EYS: variants seen among roughly 807,000 people sequenced by gnomAD.
EYS encodes the protein protein eyes shut homolog.
Under a neutral mutation model 282.1 loss-of-function variants are expected in EYS, and 250 were observed. That is an observed-to-expected ratio of 0.89 (90% CI 0.80 to 0.98). The LOEUF (loss-of-function observed/expected upper bound fraction) is 0.98, where lower values mean the gene tolerates loss of function less well. Among genes scored for constraint, EYS ranks in the 50% least tolerant of loss-of-function variants. The probability of loss-of-function intolerance (pLI) is 0.00; values close to 1 mark genes in which losing one functional copy is unlikely to be tolerated. For missense variants in EYS, 4,016 were observed against 3,709.0 expected, an observed-to-expected ratio of 1.08 and a Z score of -2.15; for synonymous variants, 1,355 against 1,282.9, an observed-to-expected ratio of 1.06 and a Z score of -1.20.
At chr6:64,049,327 A>G (rs1302681418) in intron 33 of EYS, among the ~76,000 whole-genome samples, 1 of 152,114 alleles carries the variant, frequency 6.6e-6, no homozygotes, top group Non-Finnish European at 1.5e-5. Flanking sequence ...CCATCTCTTC[A>G]CCTTATTTTC....
At chr6:64,541,324 G>C (rs1056699086) in intron 26 of EYS, among the ~76,000 whole-genome samples, 1 of 152,100 alleles carries the variant, frequency 6.6e-6, no homozygotes, top group Non-Finnish European at 1.5e-5. Flanking sequence ...AAAGATATCT[G>C]TTTTCATTAT....
chr6:65,543,901 G>A (rs146949486), intron 2 of EYS, among the ~76,000 whole-genome samples: 1 of 152,292 alleles, frequency 6.6e-6, no homozygotes, highest in African/African-American at 2.4e-5. Context: ...TGAAGGGTAT[G>A]AGGGAGCATA....
At chr6:64,629,185 C>T (rs1050288918) in intron 22 of EYS, among the ~76,000 whole-genome samples, 1 of 151,988 alleles carries the variant, frequency 6.6e-6, no homozygotes, top group Non-Finnish European at 1.5e-5. Flanking sequence ...GTAAACTATA[C>T]CTCAATTTAG....
rs370186265 is a variant in EYS, at chr6:64,179,434, T to C, written c.6424+51158A>G. On this transcript the variant is annotated intron_variant, in intron 31 of 42. Transcript: ENST00000503581. ...TTCAGAGTTTTTGAAATAAGTAAAA[T>C]ATCAACTGTGTGATGAAACTTAAGA... Among the ~76,000 whole-genome samples the C allele has an allele frequency of 8.5e-5, 13 of 152,152 alleles. No homozygotes were observed. In the East Asian group the frequency reaches 2.3e-3, roughly 27 times the overall value.
At chr6:65,250,435 G>A (rs1767291896) in intron 12 of EYS, among the ~76,000 whole-genome samples, 1 of 151,928 alleles carries the variant, frequency 6.6e-6, no homozygotes, top group South Asian at 2.1e-4. Flanking sequence ...GGCAGCTCCT[G>A]TAAAACAAAC....
intron 1 of EYS, among the ~76,000 whole-genome samples, chr6:65,677,998 A>G (rs1025628625): frequency 1.3e-5 from 2 of 152,054 alleles, no homozygotes; most frequent in South Asian, 2.1e-4. Context: ...GGTAATTTAT[A>G]AAGAAAAGAG....
At chr6:65,546,528 G>A (rs1182633547) in intron 2 of EYS, among the ~76,000 whole-genome samples, 1 of 151,838 alleles carries the variant, frequency 6.6e-6, no homozygotes, top group East Asian at 1.9e-4. Flanking sequence ...TTCTCCACTA[G>A]ACAACATTCA....
rs1766010033 is a variant in EYS, at chr6:65,490,686, A to G, written c.770T>C (p.Ile257Thr). The G allele has an allele frequency of 1.2e-6, 2 of 1,611,404 alleles. No individual in the cohort carries two copies. The highest frequency in any genetic ancestry group is 1.7e-5 in the Admixed American group (1 of 59,952). ...PFTGKNCSEI[I>T]GQCQPHVCFH... Reference sequence around the variant, plus strand: ...ACAGACATGTGGTTGACACTGGCCAATTATTTCTGAGCAATTCTTTCCTAT... The same window carrying G: ...ACAGACATGTGGTTGACACTGGCCAGTTATTTCTGAGCAATTCTTTCCTAT... The change falls in exon 5 of 43, where the codon ATT becomes ACT. Residue 257 changes from isoleucine (I) to threonine (T), a missense_variant. By Grantham distance (89) the Ile-to-Thr change is moderately conservative. Transcript: ENST00000503581.
At chr6:64,979,876 G>C (rs1447031263) in intron 14 of EYS, among the ~76,000 whole-genome samples, 1 of 151,454 alleles carries the variant, frequency 6.6e-6, no homozygotes, top group Non-Finnish European at 1.5e-5. Context: ...TTCCCACTAA[G>C]TTATTGTGAG....
intron 30 of EYS, among the ~76,000 whole-genome samples, chr6:64,264,359 G>T (rs1716875088): frequency 6.6e-6 from 1 of 152,060 alleles, no homozygotes; most frequent in Admixed American, 6.6e-5. Flanking sequence ...TGCTGCTTCT[G>T]TTGGGATCCA....
intron 31 of EYS, among the ~76,000 whole-genome samples, chr6:64,122,915 A>ATT (rs201924059): frequency 6.7e-6 from 1 of 149,884 alleles, no homozygotes; most frequent in African/African-American, 2.4e-5. Flanking sequence ...CTTACAAAGC[A>ATT]TTTTTTTTTT....
rs548012700 is a variant in EYS at position 64,141,018 on chromosome 6, G to T, written c.6425-59016C>A. ...TTTTCTCATATACTACTTTTACCAT[G>T]TATCACTATACTACATTTTAAAGAT... On this transcript the variant is annotated intron_variant, in intron 31 of 42. Coordinates refer to ENST00000503581, the MANE Select transcript of EYS (RefSeq NM_001142800.2). 1.1e-4 allele frequency among the ~76,000 whole-genome samples: 16 copies of T among 152,132 alleles called. No homozygotes were observed. In the Middle Eastern group the frequency reaches 0.01, roughly 97 times the overall value.
intron 24 of EYS, among the ~76,000 whole-genome samples, chr6:64,609,350 C>T (rs1767035258): frequency 6.6e-6 from 1 of 152,096 alleles, no homozygotes; most frequent in Admixed American, 6.6e-5. Context: ...GATTGGAGAT[C>T]ATTCTAGTTA....
chr6:64,892,258 G>A (rs1767314288), intron 18 of EYS, among the ~76,000 whole-genome samples: 1 of 151,850 alleles, frequency 6.6e-6, no homozygotes, highest in South Asian at 2.1e-4. Flanking sequence ...ATAAGTAGAT[G>A]TATTATTTGT....
intron 7 of EYS, among the ~76,000 whole-genome samples, chr6:65,391,052 G>A (rs1203341922): frequency 6.6e-6 from 1 of 152,068 alleles, no homozygotes; most frequent in East Asian, 1.9e-4. Flanking sequence ...GGTATGCCAG[G>A]AAGACTTAAA....
At chr6:63,738,758 A>T (rs1417435308) in intron 41 of EYS, among the ~76,000 whole-genome samples, 1 of 152,132 alleles carries the variant, frequency 6.6e-6, no homozygotes, top group African/African-American at 2.4e-5. Flanking sequence ...ATACATACAG[A>T]CATATATACA....
chr6:63,764,185 A>G lies in EYS; in HGVS notation c.7899-1552T>C, dbSNP rs182870191. On this transcript the variant is annotated intron_variant, in intron 40 of 42. Transcript: ENST00000503581. ...GAGGTATAGGGATCAGAATCTGTTAAGCTGGAGGACAGCAGCTGATCACAC... is the reference window on the plus strand; with the variant it reads ...GAGGTATAGGGATCAGAATCTGTTAGGCTGGAGGACAGCAGCTGATCACAC... Among the ~76,000 whole-genome samples the G allele has an allele frequency of 1.4e-4, 21 of 152,108 alleles. No individual in the cohort carries two copies. In the East Asian group the frequency reaches 3.3e-3, roughly 24 times the overall value.
intron 28 of EYS, among the ~76,000 whole-genome samples, chr6:64,422,870 T>C (rs1403995030): frequency 6.6e-6 from 1 of 152,148 alleles, no homozygotes; most frequent in Admixed American, 6.5e-5. Context: ...AGAATAATAA[T>C]GTGCATAATA....
chr6:64,830,446 A>T (rs1175184656), intron 19 of EYS, among the ~76,000 whole-genome samples: 3 of 151,960 alleles, frequency 2.0e-5, no homozygotes, highest in Non-Finnish European at 2.9e-5. Flanking sequence ...CAGAGTCTTC[A>T]TTGTCATTCA....
Sources: allele counts gnomAD v4.1 joint callset (sites outside exome capture counted in the v4.1 genomes callset), GRCh38; gene constraint gnomAD v4.1.1; transcripts MANE v1.5; gene names NCBI Gene and HGNC (gene_info 2026-07-23, HGNC 2026-07-21).